Variants in ANKRD28 observed in about 807,000 individuals in gnomAD.
ANKRD28 encodes serine/threonine-protein phosphatase 6 regulatory ankyrin repeat subunit A.
In ANKRD28, 44 loss-of-function variants were observed where a neutral mutation model predicts 126.5. The observed-to-expected ratio is 0.35, with a 90% CI of 0.27 to 0.45. ANKRD28 has a LOEUF of 0.45. Among genes scored for constraint, ANKRD28 ranks in the 20% least tolerant of loss-of-function variants. The pLI is 1.00. For missense variants in ANKRD28, 1,110 were observed against 1,316.6 expected (o/e 0.84, Z 2.43); for synonymous variants, 442 against 468.5 (o/e 0.94, Z 0.73).
At chr3:15,694,673 A>C in intron 17 of ANKRD28, 66 bp downstream of exon 17, 1 of 1,411,756 alleles carries the variant, frequency 7.1e-7, no homozygotes. Flanking sequence ...GAGTCAACAC[A>C]AATAGGTTAT....
intron 12 of ANKRD28, 116 bp downstream of exon 12, chr3:15,711,095 C>A: frequency 1.2e-6 from 1 of 864,634 alleles, no homozygotes; most frequent in East Asian, 2.8e-5. Context: ...CAAACAACTC[C>A]TGTTTTGTTT....
chr3:15,801,579 T>C (rs1317196763), upstream of ANKRD28, among the ~76,000 whole-genome samples: 1 of 152,142 alleles, frequency 6.6e-6, no homozygotes, highest in East Asian at 1.9e-4. The surrounding 1 kb of genome is among the most constrained non-coding windows in gnomAD (Gnocchi z 4.9). Context: ...TCCTCACCAA[T>C]CTTCTTGAGC....
In ANKRD28 at chr3:15,853,422, T is replaced by G. The variant is rs778264416; in HGVS notation, c.27+5955A>C. The stretch of plus-strand genomic sequence containing the variant: ...AAAAAATGTATCCAAAATCTAACTA[T>G]TTGGGTTATCTGCTCTTTAACTACC... On this transcript the variant is annotated intron_variant, in intron 1 of 27. Coordinates refer to the ANKRD28 transcript ENST00000399451. The surrounding 1 kb of genome is among the most constrained non-coding windows in gnomAD (Gnocchi z 4.2). Among the ~76,000 whole-genome samples the G allele has an allele frequency of 6.6e-6, 1 of 152,136 alleles. No individual in the cohort carries two copies. The highest frequency in any genetic ancestry group is 1.5e-5 in the Non-Finnish European group (1 of 68,024).
intron 1 of ANKRD28, chr3:15,859,318 C>A: frequency 6.6e-7 from 1 of 1,512,532 alleles, no homozygotes. Context: ...CACCGCCGGT[C>A]CGCCCTGCTT....
intron 4 of ANKRD28, among the ~76,000 whole-genome samples, chr3:15,748,673 T>A (rs1003492300): frequency 5.3e-5 from 8 of 152,204 alleles, no homozygotes; most frequent in Non-Finnish European, 1.2e-4. Flanking sequence ...TGTACCTAGG[T>A]GATAATCTTT....
In ANKRD28 at chr3:15,689,054, T is replaced by C. The variant is rs2068479974; in HGVS notation, c.1963+965A>G. ...AACCCAACTTCTAAGGCAGATAATG[T>C]TTTAAGTGATGATAGTCTTGTTGTT... On this transcript the variant is annotated intron_variant, in intron 18 of 27. Coordinates refer to ENST00000683139, the MANE Select transcript of ANKRD28 (RefSeq NM_001349278.2). 2.0e-5 allele frequency among the ~76,000 whole-genome samples: 3 copies of C among 152,198 alleles called. No homozygotes were observed. In the South Asian group the frequency reaches 6.2e-4, roughly 31 times the overall value.
intron 14 of ANKRD28, among the ~76,000 whole-genome samples, chr3:15,703,898 G>C (rs1314950691): frequency 2.0e-5 from 3 of 152,288 alleles, no homozygotes; most frequent in Middle Eastern, 6.8e-3. Context: ...GATTAAGGCT[G>C]TGAGGGACAT....
intron 4 of ANKRD28, among the ~76,000 whole-genome samples, chr3:15,740,487 T>C (rs114378766): frequency 1.9e-3 from 289 of 152,326 alleles, no homozygotes; most frequent in African/African-American, 6.5e-3. Flanking sequence ...CTGAGAACAG[T>C]ACATTGTGAC....
chr3:15,792,860 T>A (rs191191254), intron 2 of ANKRD28, among the ~76,000 whole-genome samples: 2 of 152,174 alleles, frequency 1.3e-5, no homozygotes, highest in South Asian at 2.1e-4. Flanking sequence ...AAATTTTTTT[T>A]AAAACCCACT....
intron 1 of ANKRD28, among the ~76,000 whole-genome samples, chr3:15,828,194 T>C (rs2061110992): frequency 6.6e-6 from 1 of 152,170 alleles, no homozygotes; most frequent in South Asian, 2.1e-4. Context: ...AATGGAGAAT[T>C]AGATCTGAAA....
chr3:15,829,641 A>C (rs1425289812), intron 1 of ANKRD28, among the ~76,000 whole-genome samples: 1 of 152,192 alleles, frequency 6.6e-6, no homozygotes, highest in South Asian at 2.1e-4. Context: ...GACACGTTTC[A>C]TGATATACAA....
intron 1 of ANKRD28, among the ~76,000 whole-genome samples, chr3:15,819,901 C>T (rs775307343): frequency 1.3e-5 from 2 of 152,132 alleles, no homozygotes; most frequent in Non-Finnish European, 2.9e-5. Context: ...AATCATAGGG[C>T]ATGGTTATCA....
At chr3:15,678,185 A>T in intron 24 of ANKRD28, 24 bp downstream of exon 24, 3 of 1,588,358 alleles carry the variant, frequency 1.9e-6, no homozygotes, top group Non-Finnish European at 2.6e-6. Context: ...TTAGGAAAAT[A>T]CAATTTTAAA....
In ANKRD28 at chr3:15,845,822, T is replaced by C. The variant is rs537097222; in HGVS notation, c.27+13555A>G. On this transcript the variant is annotated intron_variant, in intron 1 of 27. Transcript: ENST00000399451. The surrounding 1 kb of genome is among the most constrained non-coding windows in gnomAD (Gnocchi z 4.9). ...CAAAGGGGAAGCAAGCACGTCTTAATATGGTGGAGCAGGAGGTAGGGGTAT... is the reference window on the plus strand; with the variant it reads ...CAAAGGGGAAGCAAGCACGTCTTAACATGGTGGAGCAGGAGGTAGGGGTAT... 5.3e-5 allele frequency among the ~76,000 whole-genome samples: 8 copies of C among 152,248 alleles called. No homozygotes were observed. The highest frequency in any genetic ancestry group is 1.4e-4 in the African/African-American group (6 of 41,556).
chr3:15,678,421 T>C lies in ANKRD28; in HGVS notation c.2562-67A>G, dbSNP rs141022482. The C allele has an allele frequency of 4.7e-3, 6,909 of 1,459,198 alleles. 32 individuals are homozygous for C. The highest frequency in any genetic ancestry group is 9.0e-3 in the Middle Eastern group (50 of 5,550). The allele number at this position is 1,459,198 out of a possible 1,614,324, so 90.4% of individuals were successfully genotyped here. On this transcript the variant is annotated intron_variant, in intron 23 of 27. Transcript: ENST00000683139. ...GTTATATATGCTGGAAAAATATTCT[T>C]TAATTTGTGACATGCTGTTTTTAAG...
chr3:15,706,062 AT>A (rs892382098), intron 14 of ANKRD28, among the ~76,000 whole-genome samples: 16 of 149,144 alleles, frequency 1.1e-4, no homozygotes, highest in East Asian at 5.9e-4. Flanking sequence ...AACCCCTAGA[AT>A]TTTTTTTTTG....
At chr3:15,698,728 A>G (rs547885164) in intron 14 of ANKRD28, among the ~76,000 whole-genome samples, 1 of 152,312 alleles carries the variant, frequency 6.6e-6, no homozygotes, top group South Asian at 2.1e-4. Flanking sequence ...CCACTGCTCA[A>G]TGAAATAAAA....
At chr3:15,800,371 C>T (rs1575731310), upstream of ANKRD28, among the ~76,000 whole-genome samples, 2 of 152,068 alleles carry the variant, frequency 1.3e-5, no homozygotes, top group Admixed American at 6.6e-5. Flanking sequence ...CCTCTCTGTG[C>T]TCATTTTAAC....
intron 1 of ANKRD28, among the ~76,000 whole-genome samples, chr3:15,807,976 T>C (rs2060625043): frequency 6.6e-6 from 1 of 152,204 alleles, no homozygotes; most frequent in African/African-American, 2.4e-5. Flanking sequence ...TTGTAGGCAC[T>C]TTATGTACAT....
Sources: gnomAD v4.1 joint callset for allele counts (sites outside exome capture counted in the v4.1 genomes callset) on GRCh38, gnomAD v4.1.1 for gene constraint, Gnocchi (gnomAD v3.1) non-coding constraint, MANE v1.5 for transcripts, NCBI Gene and HGNC (gene_info 2026-07-23, HGNC 2026-07-21) for gene names.